AKAP17A: variants seen among roughly 807,000 people sequenced by gnomAD.
AKAP17A encodes A-kinase anchor protein 17A.
A neutral mutation model predicts 52.2 loss-of-function variants in AKAP17A; 15 were observed. The observed-to-expected ratio is 0.29, with a 90% CI of 0.19 to 0.44. The LOEUF (loss-of-function observed/expected upper bound fraction) is 0.44, where lower values mean the gene tolerates loss of function less well. Ranked by LOEUF, AKAP17A falls within the 20% of genes least tolerant of loss-of-function variation. AKAP17A has a pLI of 1.00. For synonymous variants in AKAP17A, 514 were observed against 424.7 expected (o/e 1.21, Z -2.58); for missense variants, 1,060 against 1,007.0 (o/e 1.05, Z -0.71).
In AKAP17A at chrX:1,600,754, C is replaced by G; in HGVS notation, c.1248C>G (p.Arg416=). 6.4e-7 allele frequency: 1 copy of G among 1,558,248 alleles called. No individual in the cohort carries two copies. Among genetic ancestry groups the G allele is most frequent in the African/African-American group, 1.4e-5 (1 of 73,954 alleles). ...GGCTGCAGGAGGCCGAGCTGCGGCG[C>G]GTGGAGGAGGAGAAGGAGCGCGCGC... is the stretch of plus-strand genomic sequence containing the variant. ...RRRLQEAELR[R]VEEEKERALG... The change falls in exon 5 of 5, where the codon CGC becomes CGG. Residue 416 remains arginine, a synonymous_variant. Coordinates refer to ENST00000313871, the MANE Select transcript of AKAP17A (RefSeq NM_005088.3).
At chrX:1,593,406 G>T in intron 1 of AKAP17A, 38 bp from the exon 2 acceptor site, 1 of 1,561,032 alleles carries the variant, frequency 6.4e-7, no homozygotes, top group Non-Finnish European at 8.7e-7. Flanking sequence ...GGGGAGGTGG[G>T]GGGTGCTGGT....
rs769562788 is a variant in AKAP17A at position 1,601,046 on chromosome X, G to A, written c.1540G>A (p.Gly514Arg). ...EADGAPKSVN[G>R]SVAEEAPCKE... ...CGACGGCGCTCCCAAAAGCGTGAACGGGAGCGTGGCCGAGGAGGCCCCATG... is the reference window on the plus strand; with the variant it reads ...CGACGGCGCTCCCAAAAGCGTGAACAGGAGCGTGGCCGAGGAGGCCCCATG... Residue 514 changes from glycine (G) to arginine (R), a missense_variant, in exon 5 of 5, where the codon GGG becomes AGG. Gly to Arg is a moderately radical substitution (Grantham distance 125). Around this residue, in one of 2 missense-constraint regions of AKAP17A, gnomAD observed 793 missense variants for 629.9 expected, o/e 1.26. Coordinates refer to ENST00000313871, the MANE Select transcript of AKAP17A (RefSeq NM_005088.3). The A allele has an allele frequency of 2.9e-5, 46 of 1,612,938 alleles. No individual in the cohort carries two copies. The highest frequency in any genetic ancestry group is 3.7e-5 in the Non-Finnish European group (44 of 1,179,682).
chrX:1,600,702 G>C lies in AKAP17A; in HGVS notation c.1196G>C (p.Arg399Thr), dbSNP rs1247594048. ...REQEQKEEKL[R>T]LQQQEERRRL... ...CAGGAGCAGAAGGAGGAGAAGCTGA[G>C]GCTCCAGCAGCAGGAGGAGCGGCGG... Residue 399 changes from arginine (R) to threonine (T), a missense_variant, in exon 5 of 5, where the codon AGG (arginine) becomes ACG (threonine). By Grantham distance (71) the Arg-to-Thr change is moderately conservative. Transcript: ENST00000313871. The C allele has an allele frequency of 9.1e-6, 14 of 1,546,132 alleles. No individual in the cohort carries two copies. The highest frequency in any genetic ancestry group is 1.2e-5 in the Non-Finnish European group (14 of 1,146,578).
chrX:1,593,549 G>C lies in AKAP17A; in HGVS notation c.87G>C (p.Lys29Asn). Residue 29 changes from lysine to asparagine, a missense_variant, in exon 2 of 5, where the codon AAG becomes AAC. Lys to Asn is a moderately conservative substitution (Grantham distance 94, BLOSUM62 0). This residue lies in a region of AKAP17A where 267 missense variants were observed against 377.1 expected (regional missense o/e 0.71). Coordinates refer to ENST00000313871, the MANE Select transcript of AKAP17A (RefSeq NM_005088.3). ...AYGLYLKPITKMTISVALPQL... is the reference protein window; with the variant it reads ...AYGLYLKPITNMTISVALPQL... ...GCTTGTACCTGAAGCCCATCACCAAGATGACCATCAGCGTGGCACTCCCGC... is the reference window on the plus strand; with the variant it reads ...GCTTGTACCTGAAGCCCATCACCAACATGACCATCAGCGTGGCACTCCCGC... 6.2e-7 allele frequency: 1 copy of C among 1,613,734 alleles called. No individual in the cohort carries two copies. The highest frequency in any genetic ancestry group is 8.5e-7 in the Non-Finnish European group (1 of 1,179,876).
intron 3 of AKAP17A, among the ~76,000 whole-genome samples, chrX:1,597,089 C>T (rs1303643576): frequency 8.5e-5 from 13 of 152,308 alleles, no homozygotes; most frequent in South Asian, 6.2e-4. Flanking sequence ...CGAGTTGGTC[C>T]GTTTTGTTTC....
At chrX:1,597,648 G>A (rs186843152) in intron 3 of AKAP17A, among the ~76,000 whole-genome samples, 20 of 152,076 alleles carry the variant, frequency 1.3e-4, no homozygotes, top group African/African-American at 3.1e-4. Flanking sequence ...TCAGAGCCTC[G>A]GACCTCTCGG....
chrX:1,599,527 C>T (rs188936871), intron 4 of AKAP17A, 95 bp downstream of exon 4: 45 of 1,518,446 alleles, frequency 3.0e-5, no homozygotes, highest in African/African-American at 4.1e-5. Context: ...GCCGTTTCCC[C>T]GCCGGCTGCA....
intron 3 of AKAP17A, among the ~76,000 whole-genome samples, chrX:1,598,835 G>C (rs766507418): frequency 2.0e-5 from 3 of 152,216 alleles, no homozygotes; most frequent in Non-Finnish European, 4.4e-5. Flanking sequence ...GCATCCCGGG[G>C]CCTTGTTGGG....
rs1459463314 is a variant in AKAP17A at position 1,600,815 on chromosome X, C to T, written c.1309C>T (p.Arg437Trp). 7.5e-6 allele frequency: 12 copies of T among 1,591,832 alleles called. No homozygotes were observed. The highest frequency in any genetic ancestry group is 1.3e-5 in the African/African-American group (1 of 74,742). The change falls in exon 5 of 5, where the codon CGG becomes TGG. Residue 437 changes from arginine (R) to tryptophan (W), a missense_variant. Arg to Trp is a moderately radical substitution (Grantham distance 101). Transcript: ENST00000313871. ...LQRKERELRE[R>W]LLSILLSKKP... ...GCGGAAAGAGCGGGAGCTGCGCGAGCGGCTGCTGAGCATCCTGCTGAGCAA... is the reference window on the plus strand; with the variant it reads ...GCGGAAAGAGCGGGAGCTGCGCGAGTGGCTGCTGAGCATCCTGCTGAGCAA...
chrX:1,596,030 C>T (rs1343167189), intron 3 of AKAP17A, among the ~76,000 whole-genome samples: 2 of 152,008 alleles, frequency 1.3e-5, no homozygotes, highest in Non-Finnish European at 2.9e-5. Context: ...TTTTTCTTGT[C>T]ACACGTCGTG....
At chrX:1,596,002 A>G (rs185924528) in intron 3 of AKAP17A, among the ~76,000 whole-genome samples, 1 of 152,250 alleles carries the variant, frequency 6.6e-6, no homozygotes, top group African/African-American at 2.4e-5. Flanking sequence ...GAGACGCAGC[A>G]GAATATGAAT....
chrX:1,600,914 A>G lies in AKAP17A; in HGVS notation c.1408A>G (p.Ile470Val). Residue 470 changes from isoleucine to valine, a missense_variant, in exon 5 of 5, where the codon ATC becomes GTC. Coordinates refer to ENST00000313871, the MANE Select transcript of AKAP17A (RefSeq NM_005088.3). ...CGACCTGCTGCAGCCCGTCCTGGACATCCTGCAGACCGTGTCGTCCGGCTG... is the reference window on the plus strand; with the variant it reads ...CGACCTGCTGCAGCCCGTCCTGGACGTCCTGCAGACCGTGTCGTCCGGCTG... ...HADLLQPVLD[I>V]LQTVSSGCVS... The G allele has an allele frequency of 6.3e-7, 1 of 1,577,372 alleles. No homozygotes were observed. Among genetic ancestry groups the G allele is most frequent in the Non-Finnish European group, 8.6e-7 (1 of 1,165,330 alleles).
At chrX:1,600,585 C>T (rs1933305032) in intron 4 of AKAP17A, 74 bp from the exon 5 acceptor site, 12 of 1,398,122 alleles carry the variant, frequency 8.6e-6, no homozygotes, top group East Asian at 7.5e-5. Flanking sequence ...CTCCAAACAC[C>T]TTCCCAGCTC....
intron 3 of AKAP17A, among the ~76,000 whole-genome samples, chrX:1,596,138 C>T (rs1932965216): frequency 6.7e-6 from 1 of 150,258 alleles, no homozygotes; most frequent in South Asian, 2.1e-4. Flanking sequence ...CTGAAACAAG[C>T]AGAATGCCTT....
chrX:1,597,582 A>G (rs1933074112), intron 3 of AKAP17A, among the ~76,000 whole-genome samples: 1 of 151,382 alleles, frequency 6.6e-6, no homozygotes, highest in Admixed American at 6.6e-5. Context: ...GGCTGCAGAC[A>G]CAGCCCAGGC....
chrX:1,591,697 G>T lies in AKAP17A; in HGVS notation c.-92G>T, dbSNP rs1165537491. 5.9e-5 allele frequency: 9 copies of T among 152,002 alleles called. No homozygotes were observed. The highest frequency in any genetic ancestry group is 2.0e-4 in the South Asian group (1 of 4,956). 9.4% of individuals were successfully genotyped at this position (152,002 alleles called of 1,614,324 possible). A position where few individuals can be genotyped will look rare whatever the true frequency, so the allele number is the denominator to read the frequency against. On this transcript the variant is annotated 5_prime_UTR_variant, in exon 1 of 5. Coordinates refer to ENST00000313871, the MANE Select transcript of AKAP17A (RefSeq NM_005088.3). Reference sequence around the variant, plus strand: ...CGGCGGTGAGGCCGCGCCTGTCCGGGGATCGTCGAGGGACGGCGGGAGCTT... The same window carrying T: ...CGGCGGTGAGGCCGCGCCTGTCCGGTGATCGTCGAGGGACGGCGGGAGCTT...
Position 1,594,240 on chromosome X carries a change from C to T in AKAP17A, c.762+16C>T, listed in dbSNP as rs766714983. 59 of 1,505,202 alleles carry T rather than the reference C, an allele frequency of 3.9e-5. No individual in the cohort carries two copies. Among genetic ancestry groups the T allele is most frequent in the Middle Eastern group, 3.8e-4 (2 of 5,236 alleles). 93.2% of individuals were successfully genotyped at this position (1,505,202 alleles called of 1,614,324 possible). ...CAACATCAAGGTGAGTCCTGGGCAC[C>T]GAGAGAGCCACGCGCTTCCTCCCTC... On this transcript the variant is annotated intron_variant, in intron 2 of 4. Coordinates refer to ENST00000313871, the MANE Select transcript of AKAP17A (RefSeq NM_005088.3).
At chrX:1,598,495 C>A (rs1286324294) in intron 3 of AKAP17A, among the ~76,000 whole-genome samples, 2 of 152,142 alleles carry the variant, frequency 1.3e-5, no homozygotes, top group Non-Finnish European at 2.9e-5. Flanking sequence ...TCCATAGGAA[C>A]AGCTGCGACT....
chrX:1,599,423 C>G lies in AKAP17A; in HGVS notation c.1143C>G (p.Ser381Arg). 6.4e-7 allele frequency: 1 copy of G among 1,563,154 alleles called. No individual in the cohort carries two copies. The highest frequency in any genetic ancestry group is 8.7e-7 in the Non-Finnish European group (1 of 1,154,868). The change falls in exon 4 of 5, where the codon AGC (serine) becomes AGG (arginine). Residue 381 changes from serine to arginine, a missense_variant. Transcript: ENST00000313871. ...TCCGGCTCATCGCCGAGCTGCTCAG[C>G]AGAGCCAAGGTACCCGGGGGCTCCC... ...QSIRLIAELL[S>R]RAKAVKLREQ...
Sources: gnomAD v4.1 joint callset for allele counts (sites outside exome capture counted in the v4.1 genomes callset) on GRCh38, gnomAD v4.1.1 for gene constraint, gnomAD v4.1.1 regional missense constraint, MANE v1.5 for transcripts, NCBI Gene and HGNC (gene_info 2026-07-23, HGNC 2026-07-21) for gene names.